The following PPFIA4 variants were observed in gnomAD, a reference collection of about 807,000 sequenced individuals.
PPFIA4 encodes the protein liprin-alpha-4.
PPFIA4 carries 98 observed loss-of-function variants against 145.7 expected under a neutral mutation model. The ratio of observed to expected loss-of-function variants is 0.67; its 90% confidence interval spans 0.57 to 0.80. PPFIA4 has a LOEUF of 0.80. PPFIA4 is among the 30% of genes least tolerant of loss of function. The probability of loss-of-function intolerance (pLI) is 0.00; values close to 1 mark genes in which losing one functional copy is unlikely to be tolerated. For synonymous variants in PPFIA4, 628 were observed against 649.6 expected (o/e 0.97, Z 0.51); for missense variants, 1,457 against 1,632.7 (o/e 0.89, Z 1.85).
chr1:203,035,753 G>A, intron 1 of PPFIA4: 6 of 432,458 alleles, frequency 1.4e-5, no homozygotes, highest in Admixed American at 2.4e-5. Context: ...AAGGAGCCAG[G>A]TGCCCCACGT....
chr1:203,036,248 C>G (rs1343680800), intron 1 of PPFIA4, among the ~76,000 whole-genome samples: 4 of 152,202 alleles, frequency 2.6e-5, no homozygotes, highest in African/African-American at 4.8e-5. Flanking sequence ...CTAAGGAAGG[C>G]AAAACCAGGG....
Position 203,046,238 on chromosome 1 carries a change from A to G in PPFIA4, c.1006-10A>G. ...CCTTTTGAATCACTTCACCACCCCC[A>G]CATTGCTAGTGTGAGGAGAAGGCCC... On this transcript the variant is annotated splice_polypyrimidine_tract_variant and intron_variant, in intron 8 of 29. Coordinates refer to ENST00000295706, the MANE Select transcript of PPFIA4 (RefSeq NM_001304331.2). 6.3e-7 allele frequency: 1 copy of G among 1,584,224 alleles called. No homozygotes were observed. Among genetic ancestry groups the G allele is most frequent in the Non-Finnish European group, 8.6e-7 (1 of 1,165,936 alleles).
At chr1:203,074,233 A>G (rs1662367077) in intron 28 of PPFIA4, among the ~76,000 whole-genome samples, 2 of 152,190 alleles carry the variant, frequency 1.3e-5, no homozygotes. Flanking sequence ...ACATCACAGA[A>G]TGTACTTACA....
At position 203,045,870 on chromosome 1, in the gene PPFIA4, G is replaced by A. The variant is rs1243117043; in HGVS notation, c.888G>A (p.Glu296=). Residue 296 remains glutamate, a synonymous_variant, in exon 8 of 30, where the codon GAG becomes GAA. Transcript: ENST00000295706. The part of the protein sequence containing the change: ...EALAQKEDME[E]RITTLEKRYL... ...TGGCCCAGAAGGAGGACATGGAAGAGCGGATTACTACACTGGAGAAGCGCT... is the reference window on the plus strand; with the variant it reads ...TGGCCCAGAAGGAGGACATGGAAGAACGGATTACTACACTGGAGAAGCGCT... The A allele has an allele frequency of 1.2e-6, 2 of 1,612,880 alleles. No individual in the cohort carries two copies. Among genetic ancestry groups the A allele is most frequent in the South Asian group, 1.1e-5 (1 of 91,088 alleles).
At chr1:203,028,024 A>C (rs1658536467) in intron 1 of PPFIA4, among the ~76,000 whole-genome samples, 1 of 152,176 alleles carries the variant, frequency 6.6e-6, no homozygotes, top group Non-Finnish European at 1.5e-5. Flanking sequence ...TTTTGTCCTG[A>C]GGCTTGAGGA....
intron 19 of PPFIA4, among the ~76,000 whole-genome samples, 175 bp from the exon 20 acceptor site, chr1:203,059,003 C>G (rs1194168928): frequency 1.3e-5 from 2 of 152,204 alleles, no homozygotes; most frequent in Admixed American, 6.5e-5. Flanking sequence ...ATGCCATTCT[C>G]TGAGACTGCT....
Position 203,046,280 on chromosome 1 carries a change from G to A in PPFIA4, c.1038G>A (p.Leu346=). The change falls in exon 9 of 30, where the codon CTG becomes CTA. Residue 346 remains leucine, a synonymous_variant. Transcript: ENST00000295706. ...AGAAGGCCCGACACCTGCAGGAGCTGCTGGAGGTGGCAGAGCAGAAGCTGC... is the reference window on the plus strand; with the variant it reads ...AGAAGGCCCGACACCTGCAGGAGCTACTGGAGGTGGCAGAGCAGAAGCTGC... ...CEEKARHLQE[L]LEVAEQKLQQ... The A allele has an allele frequency of 1.3e-6, 2 of 1,596,444 alleles. No homozygotes were observed. The highest frequency in any genetic ancestry group is 1.7e-6 in the Non-Finnish European group (2 of 1,172,228).
In PPFIA4 at chr1:203,049,707, G is replaced by A. The variant is rs907804074; in HGVS notation, c.1451G>A (p.Arg484His). Reference protein sequence around the residue: ...GRLSEEIEKLRQEVDQLKGRG... With the variant: ...GRLSEEIEKLHQEVDQLKGRG... The stretch of plus-strand genomic sequence containing the variant: ...CTGTCTGAAGAGATTGAGAAGCTGC[G>A]CCAAGAGGTGGACCAGCTGAAGGGC... The change falls in exon 13 of 30, where the codon CGC becomes CAC. Residue 484 changes from arginine (R) to histidine (H), a missense_variant. This residue lies in a region of PPFIA4 where 848 missense variants were observed against 1,046.7 expected (regional missense o/e 0.81). Transcript: ENST00000295706. The A allele has an allele frequency of 1.1e-5, 18 of 1,582,622 alleles. No homozygotes were observed. The highest frequency in any genetic ancestry group is 5.2e-5 in the Admixed American group (3 of 57,304).
chr1:203,052,133 TG>T (rs1660577331), intron 14 of PPFIA4, among the ~76,000 whole-genome samples: 2 of 142,504 alleles, frequency 1.4e-5, no homozygotes, highest in South Asian at 4.9e-4. Flanking sequence ...CACTGAAGTG[TG>T]TGTGCGTGTG....
At position 203,075,865 on chromosome 1, in the gene PPFIA4, C is replaced by T. The variant is rs1662496926; in HGVS notation, c.3574+108C>T. The T allele has an allele frequency of 2.6e-6, 3 of 1,136,502 alleles. No individual in the cohort carries two copies. The highest frequency in any genetic ancestry group is 4.8e-5 in the South Asian group (2 of 41,902). 70.4% of individuals were successfully genotyped at this position (1,136,502 alleles called of 1,614,324 possible). A position where few individuals can be genotyped will look rare whatever the true frequency, so the allele number is the denominator to read the frequency against. ...AGAGGGGCGAGGCCGAGGCTGGTGC[C>T]CCGCGCTCCTGCGCTGCAGCTGCAC... On this transcript the variant is annotated intron_variant, in intron 29 of 29. Transcript: ENST00000295706. This position sits in a 1 kb window ranked among gnomAD's most constrained non-coding sequence, Gnocchi z 4.1.
chr1:203,031,902 CAG>C lies in PPFIA4; in HGVS notation c.-400+5275_-400+5276del, dbSNP rs1272731672. On this transcript the variant is annotated intron_variant, in intron 1 of 29. Coordinates refer to ENST00000295706, the MANE Select transcript of PPFIA4 (RefSeq NM_001304331.2). ...AAAGCTGTGTCTGTATTCGGTGGTG[CAG>C]ACTCATATTTTGACTTAGTAACTAT... Among the ~76,000 whole-genome samples, 10 of 152,134 alleles carry C rather than the reference CAG, an allele frequency of 6.6e-5. 1 individual carries two copies. The highest frequency in any genetic ancestry group is 2.4e-4 in the African/African-American group (10 of 41,408).
chr1:203,035,044 G>C (rs1659126864), intron 1 of PPFIA4, among the ~76,000 whole-genome samples: 1 of 152,216 alleles, frequency 6.6e-6, no homozygotes, highest in Non-Finnish European at 1.5e-5. Flanking sequence ...ACAGTGCTGG[G>C]CACATGGTAA....
intron 15 of PPFIA4, chr1:203,054,177 G>C: frequency 1.4e-6 from 1 of 703,026 alleles, no homozygotes; most frequent in East Asian, 2.7e-5. Flanking sequence ...CCCTCTCAGG[G>C]CTTGCGATGT....
chr1:203,054,465 C>A (rs1419140271), intron 15 of PPFIA4, among the ~76,000 whole-genome samples: 2 of 152,188 alleles, frequency 1.3e-5, no homozygotes, highest in East Asian at 3.8e-4. Context: ...TGCACCATGC[C>A]TCCTGTCCCT....
chr1:203,035,145 G>C (rs979856738), intron 1 of PPFIA4: 3 of 366,260 alleles, frequency 8.2e-6, no homozygotes, highest in East Asian at 1.5e-4. Context: ...CTCACCTCCA[G>C]CTGGGTGGGT....
intron 2 of PPFIA4, among the ~76,000 whole-genome samples, chr1:203,040,766 T>TA (rs1227926602): frequency 6.6e-6 from 1 of 152,204 alleles, no homozygotes; most frequent in Non-Finnish European, 1.5e-5. Flanking sequence ...GGAGGACTGT[T>TA]ACGTCTGTCT....
rs768165534 is a variant in PPFIA4 at position 203,076,329 on chromosome 1, T to G, written c.3575-12T>G. 1.9e-6 allele frequency: 3 copies of G among 1,603,370 alleles called. No homozygotes were observed. The highest frequency in any genetic ancestry group is 2.7e-5 in the African/African-American group (2 of 74,912). On this transcript the variant is annotated splice_polypyrimidine_tract_variant and intron_variant, in intron 29 of 29. Transcript: ENST00000295706. Reference sequence around the variant, plus strand: ...CCTCACAGTGCGATGCCTGTCTCTCTCTCTCCCTCAGCTCACTCCCACTAT... The same window carrying G: ...CCTCACAGTGCGATGCCTGTCTCTCGCTCTCCCTCAGCTCACTCCCACTAT...
At chr1:203,069,182 A>G (rs144921420) in intron 27 of PPFIA4, among the ~76,000 whole-genome samples, 5 of 152,366 alleles carry the variant, frequency 3.3e-5, no homozygotes, top group African/African-American at 9.6e-5. Context: ...TCATGAAATT[A>G]CATTTCATCA....
intron 19 of PPFIA4, among the ~76,000 whole-genome samples, chr1:203,058,110 C>G (rs1661100723): frequency 6.6e-6 from 1 of 152,072 alleles, no homozygotes; most frequent in Admixed American, 6.5e-5. Flanking sequence ...AGGAACTCAT[C>G]AACTAGAATA....
Sources: allele counts gnomAD v4.1 joint callset (sites outside exome capture counted in the v4.1 genomes callset), GRCh38; gene constraint gnomAD v4.1.1; regional missense constraint gnomAD v4.1.1; non-coding constraint Gnocchi (gnomAD v3.1); transcripts MANE v1.5; gene names NCBI Gene and HGNC (gene_info 2026-07-23, HGNC 2026-07-21).